The following KLF8 variants were observed in gnomAD, a reference collection of about 807,000 sequenced individuals.
The protein encoded by KLF8 is KLF transcription factor 8, also known as Krueppel-like factor 8.
A neutral mutation model predicts 18.2 loss-of-function variants in KLF8; 10 were observed. The observed-to-expected ratio is 0.55, with a 90% CI of 0.34 to 0.93. The LOEUF is 0.93. Ranked by LOEUF, KLF8 falls within the 40% of genes least tolerant of loss-of-function variation. The pLI, the probability that KLF8 is intolerant of heterozygous loss-of-function variation, is 0.02. For missense variants in KLF8, 264 were observed against 277.9 expected, an observed-to-expected ratio of 0.95 and a Z score of 0.36; for synonymous variants, 109 against 97.3, an observed-to-expected ratio of 1.12 and a Z score of -0.71.
At chrX:55,948,831 C>T in the KLF8 span, among the ~76,000 whole-genome samples, 1 of 112,135 alleles carries the variant, frequency 8.9e-6, no homozygotes, top group South Asian at 3.7e-4. Flanking sequence ...ACTTACTAAA[C>T]TTCCCAATGT....
chrX:56,142,349 T>C, the KLF8 span, among the ~76,000 whole-genome samples: 1 of 111,397 alleles, frequency 9.0e-6, no homozygotes, highest in Non-Finnish European at 1.9e-5. Context: ...TTTCTTTATG[T>C]TACTTCTGGC....
chrX:56,059,890 A>G, the KLF8 span, among the ~76,000 whole-genome samples: 1 of 112,074 alleles, frequency 8.9e-6, no homozygotes, highest in Non-Finnish European at 1.9e-5. Context: ...TTCTGTGAAA[A>G]AAGGCAATGG....
At chrX:55,925,242 T>C in the KLF8 span, among the ~76,000 whole-genome samples, 15 of 103,943 alleles carry the variant, frequency 1.4e-4, no homozygotes, top group African/African-American at 4.6e-4. Flanking sequence ...CTATGGTCCC[T>C]GCCATCAAGG....
chrX:56,187,458 G>A, the KLF8 span, among the ~76,000 whole-genome samples: 4 of 111,699 alleles, frequency 3.6e-5, no homozygotes, highest in Admixed American at 1.9e-4. Context: ...GGAGGAACTG[G>A]TACTATTCCT....
At chrX:55,939,781 A>C in the KLF8 span, among the ~76,000 whole-genome samples, 2 of 112,219 alleles carry the variant, frequency 1.8e-5, no homozygotes, top group Non-Finnish European at 3.8e-5. Flanking sequence ...TCTGGAAGAA[A>C]TGGATAAATT....
chrX:55,971,411 T>C, the KLF8 span, among the ~76,000 whole-genome samples: 13 of 110,806 alleles, frequency 1.2e-4, no homozygotes, highest in East Asian at 3.7e-3. Flanking sequence ...AAAAATCAAA[T>C]CAAAATTGAT....
At chrX:56,006,074 C>T in the KLF8 span, among the ~76,000 whole-genome samples, 6 of 112,283 alleles carry the variant, frequency 5.3e-5, no homozygotes, top group East Asian at 1.7e-3. Context: ...TTCAACAGTC[C>T]CCTTAAGGCT....
the KLF8 span, among the ~76,000 whole-genome samples, chrX:55,912,728 G>A: frequency 3.3e-3 from 362 of 111,056 alleles, 1 homozygote; most frequent in Non-Finnish European, 5.8e-3. Context: ...CTTCTTATTC[G>A]TTGATTTTCC....
the KLF8 span, among the ~76,000 whole-genome samples, chrX:56,164,729 C>CTTTTTTTTTTTTTTTTTTTTTTT: frequency 1.9e-5 from 1 of 51,918 alleles, no homozygotes; most frequent in Admixed American, 2.5e-4. Flanking sequence ...CTTGTTATCT[C>CTTTTTTTTTTTTTTTTTTTTTTT]TTTTTTTTTT....
chrX:56,251,703 C>T (rs1315696359), intron 2 of KLF8, among the ~76,000 whole-genome samples: 2 of 110,385 alleles, frequency 1.8e-5, no homozygotes, highest in African/African-American at 6.6e-5. Flanking sequence ...CCTCATGATC[C>T]GCCCACCTCG....
the KLF8 span, among the ~76,000 whole-genome samples, chrX:55,939,053 C>T: frequency 8.9e-6 from 1 of 111,988 alleles, no homozygotes; most frequent in African/African-American, 3.2e-5. Context: ...ACTCTACACC[C>T]CAAATCAGCA....
At chrX:55,931,798 A>G in the KLF8 span, among the ~76,000 whole-genome samples, 2 of 111,227 alleles carry the variant, frequency 1.8e-5, no homozygotes, top group African/African-American at 3.3e-5. Context: ...TATGTGATCA[A>G]TTTTGGAATA....
At chrX:55,979,096 GA>G in the KLF8 span, among the ~76,000 whole-genome samples, 1 of 111,895 alleles carries the variant, frequency 8.9e-6, no homozygotes, top group Admixed American at 9.5e-5. Flanking sequence ...GGGCGAGAGA[GA>G]GAGAGAGAGA....
chrX:56,043,568 T>C, the KLF8 span, among the ~76,000 whole-genome samples: 1 of 111,832 alleles, frequency 8.9e-6, no homozygotes, highest in Non-Finnish European at 1.9e-5. Flanking sequence ...AGAAAGATAG[T>C]CTTCAGGCTC....
At chrX:56,167,615 A>G in the KLF8 span, among the ~76,000 whole-genome samples, 1 of 112,320 alleles carries the variant, frequency 8.9e-6, no homozygotes, top group Non-Finnish European at 1.9e-5. Context: ...GAATCCAGCC[A>G]AAGGACTACT....
rs748774811 is a variant in KLF8 at position 56,265,618 on chromosome X, G to A, written c.520G>A (p.Gly174Ser). Residue 174 changes from glycine (G) to serine (S), a missense_variant, in exon 3 of 6, where the codon GGC becomes AGC. By Grantham distance (56) the Gly-to-Ser change is moderately conservative. Around this residue, in one of 2 missense-constraint regions of KLF8, gnomAD observed 221 missense variants for 193.6 expected, o/e 1.14. Transcript: ENST00000468660. ...PSVSLPNKMG[G>S]LKTIPVVVQS... ...AGTCAGTCTGCCAAATAAGATGGGT[G>A]GCCTGAAGACCATCCCAGTGGTAGT... is the stretch of plus-strand genomic sequence containing the variant. The A allele has an allele frequency of 1.7e-6, 2 of 1,211,595 alleles. No individual in the cohort carries two copies. Among genetic ancestry groups the A allele is most frequent in the East Asian group, 3.0e-5 (1 of 33,844 alleles).
chrX:55,960,431 A>G, the KLF8 span, among the ~76,000 whole-genome samples: 27 of 111,396 alleles, frequency 2.4e-4, 1 homozygote, highest in Non-Finnish European at 4.7e-4. Flanking sequence ...CAGGAAAATC[A>G]CGTGATCACA....
chrX:56,032,206 T>C, the KLF8 span, among the ~76,000 whole-genome samples: 1 of 111,267 alleles, frequency 9.0e-6, no homozygotes, highest in Non-Finnish European at 1.9e-5. Flanking sequence ...GGGGTCTCTT[T>C]TTCTCTTCTC....
upstream of KLF8, among the ~76,000 whole-genome samples, chrX:56,232,046 C>T (rs760781570): frequency 9.0e-6 from 1 of 111,357 alleles, no homozygotes; most frequent in South Asian, 3.8e-4. Context: ...ATATCGCTTC[C>T]AGTTGTCAGC....
Sources: gnomAD v4.1 joint callset for allele counts (sites outside exome capture counted in the v4.1 genomes callset) on GRCh38, gnomAD v4.1.1 for gene constraint, gnomAD v4.1.1 regional missense constraint, MANE v1.5 for transcripts, NCBI Gene and HGNC (gene_info 2026-07-23, HGNC 2026-07-21) for gene names.